BTD: variants seen among roughly 807,000 people sequenced by gnomAD.
BTD encodes the protein biotinidase.
Under a neutral mutation model 17.7 loss-of-function variants are expected in BTD, and 13 were observed. That is an observed-to-expected ratio of 0.74 (90% CI 0.48 to 1.17). BTD has a LOEUF of 1.17. Among genes scored for constraint, BTD ranks in the 50% most tolerant of loss-of-function variants. BTD has a pLI of 0.00. For synonymous variants in BTD, 240 were observed against 245.2 expected (o/e 0.98, Z 0.20); for missense variants, 674 against 650.4 (o/e 1.04, Z -0.39).
intron 1 of BTD, among the ~76,000 whole-genome samples, chr3:15,602,969 G>A (rs558132756): frequency 6.6e-6 from 1 of 152,284 alleles, no homozygotes; most frequent in East Asian, 1.9e-4. Context: ...GGTGAAGGAG[G>A]AGCAAAGGCA....
At chr3:15,632,676 C>G (rs1223251735) in intron 1 of BTD, 1 of 152,250 alleles carries the variant, frequency 6.6e-6, no homozygotes, top group Non-Finnish European at 1.5e-5. Flanking sequence ...AGGAAGGCCC[C>G]GCACCCCAGT....
At chr3:15,697,512 T>G (rs1048937174) in intron 3 of BTD, 2 of 150,794 alleles carry the variant, frequency 1.3e-5, no homozygotes, top group African/African-American at 4.9e-5. Context: ...ATGTGTTTGT[T>G]TTTTTTTTGC....
rs144924975 is a variant in BTD at position 15,638,310 on chromosome 3, C to T, written c.249+2622C>T. 3.1e-3 allele frequency among the ~76,000 whole-genome samples: 475 copies of T among 152,210 alleles called. 3 individuals carry two copies. Among genetic ancestry groups the T allele is most frequent in the African/African-American group, 9.8e-3 (406 of 41,520 alleles). On this transcript the variant is annotated intron_variant, in intron 2 of 3. Transcript: ENST00000643237. The stretch of plus-strand genomic sequence containing the variant: ...CTTGGACTTTCCAACCCTTACAGAC[C>T]GGCAGAACAGAAACAACTGGTTCAG...
chr3:15,717,806 A>C (rs1257442028), intron 4 of BTD, among the ~76,000 whole-genome samples: 4 of 152,208 alleles, frequency 2.6e-5, no homozygotes, highest in Non-Finnish European at 5.9e-5. Context: ...ACTGCTTTAT[A>C]AACCTGATTC....
chr3:15,721,990 C>T lies in BTD; in HGVS notation c.*141C>T, dbSNP rs146742297. Among the ~76,000 whole-genome samples, 858 of 152,284 alleles carry T rather than the reference C, an allele frequency of 5.6e-3. 6 individuals are homozygous for T. The highest frequency in any genetic ancestry group is 0.02 in the African/African-American group (817 of 41,578). On this transcript the variant is annotated 3_prime_UTR_variant, in exon 5 of 5. Coordinates refer to the BTD transcript ENST00000672427. ...GAACTCTTGACCTCAAATGATCCACCGGCCTCGGCCTCCCAAAGTGCTGCG... is the reference window on the plus strand; with the variant it reads ...GAACTCTTGACCTCAAATGATCCACTGGCCTCGGCCTCCCAAAGTGCTGCG...
chr3:15,720,968 C>T, intron 4 of BTD: 1 of 1,613,840 alleles, frequency 6.2e-7, no homozygotes, highest in East Asian at 2.2e-5. Flanking sequence ...CACAATGCTC[C>T]ATGTGTTGAT....
chr3:15,615,438 G>T (rs2064765165), intron 1 of BTD, among the ~76,000 whole-genome samples: 2 of 152,110 alleles, frequency 1.3e-5, no homozygotes. Context: ...AAGGTTCCTA[G>T]CTATATGCAC....
chr3:15,642,557 C>A (rs919098227), intron 3 of BTD, among the ~76,000 whole-genome samples: 1 of 151,254 alleles, frequency 6.6e-6, no homozygotes, highest in Non-Finnish European at 1.5e-5. Context: ...CGGGTTCATG[C>A]CATTCTCCTG....
chr3:15,691,702 G>A (rs908840947), intron 3 of BTD, among the ~76,000 whole-genome samples: 11 of 152,324 alleles, frequency 7.2e-5, no homozygotes, highest in African/African-American at 2.6e-4. Flanking sequence ...AGATTAAAGT[G>A]ACTGTAGGTC....
Position 15,645,250 on chromosome 3 carries a change from G to T in BTD, c.1334G>T (p.Gly445Val), listed in dbSNP as rs1223614917. ...GTGTGTGCCCTGGTCAGGTGTGGGG[G>T]TCTTGGCTTCGACACCTGTGGACAG... ...IQVCALVRCG[G>V]LGFDTCGQEI... The change falls in exon 4 of 4, where the codon GGT becomes GTT. Residue 445 changes from glycine (G) to valine (V), a missense_variant. By Grantham distance (109) the Gly-to-Val change is moderately radical. Transcript: ENST00000643237. 7.4e-6 allele frequency: 12 copies of T among 1,614,084 alleles called. No homozygotes were observed. Among genetic ancestry groups the T allele is most frequent in the Non-Finnish European group, 1.0e-5 (12 of 1,180,048 alleles).
intron 3 of BTD, among the ~76,000 whole-genome samples, chr3:15,699,499 A>G (rs1401990905): frequency 6.6e-6 from 1 of 152,228 alleles, no homozygotes; most frequent in Non-Finnish European, 1.5e-5. Flanking sequence ...CCCATCTGAC[A>G]AAGGGCTAAT....
intron 3 of BTD, chr3:15,696,389 C>T: frequency 1.9e-6 from 1 of 536,896 alleles, no homozygotes; most frequent in Non-Finnish European, 3.2e-6. Flanking sequence ...ATAAAAATGT[C>T]ATTTAAATGA....
downstream of BTD, among the ~76,000 whole-genome samples, chr3:15,717,475 C>A (rs2073204864): frequency 6.6e-6 from 1 of 151,648 alleles, no homozygotes; most frequent in Admixed American, 6.6e-5. Flanking sequence ...GTGGAGTTTT[C>A]TTTTTCTTAA....
In BTD at chr3:15,646,478, G is replaced by T. The variant is rs1221405975; in HGVS notation, c.*990G>T. 6.6e-6 allele frequency: 1 copy of T among 152,242 alleles called. No individual in the cohort carries two copies. Among genetic ancestry groups the T allele is most frequent in the African/African-American group, 2.4e-5 (1 of 41,462 alleles). The allele number at this position is 152,242 out of a possible 1,614,324, so 9.4% of individuals were successfully genotyped here. On this transcript the variant is annotated 3_prime_UTR_variant, in exon 4 of 4. Transcript: ENST00000643237. The stretch of plus-strand genomic sequence containing the variant: ...ATGAAGGGTGGCCCACTTTAGTCAT[G>T]CATTTATTCAATCACCCAACAGGCA...
Position 15,645,493 on chromosome 3 carries a change from AGT to A in BTD, c.*11_*12del. 1 of 1,603,542 alleles carries A rather than the reference AGT, an allele frequency of 6.2e-7. No homozygotes were observed. Among genetic ancestry groups the A allele is most frequent in the South Asian group, 1.1e-5 (1 of 91,062 alleles). On this transcript the variant is annotated 3_prime_UTR_variant, in exon 4 of 4. Coordinates refer to ENST00000643237, the MANE Select transcript of BTD (RefSeq NM_001370658.1). ...CGCTTGTATGAGAGGGACTAGGAAA[AGT>A]GTGTGGTCTGTGGGGCGGACTCTGG...
At chr3:15,685,777 C>G (rs2125765131) in intron 3 of BTD, among the ~76,000 whole-genome samples, 1 of 152,240 alleles carries the variant, frequency 6.6e-6, no homozygotes, top group Middle Eastern at 3.4e-3. Context: ...ATTAATTCTA[C>G]TAAAAGTTTT....
intron 3 of BTD, among the ~76,000 whole-genome samples, chr3:15,642,508 G>A (rs191262574): frequency 5.4e-5 from 8 of 147,744 alleles, no homozygotes; most frequent in African/African-American, 7.6e-5. Flanking sequence ...AGGCTGGAGC[G>A]CAGTGGCGCG....
chr3:15,633,556 G>A (rs911634653), intron 1 of BTD, among the ~76,000 whole-genome samples: 5 of 152,164 alleles, frequency 3.3e-5, no homozygotes, highest in African/African-American at 1.2e-4. Context: ...ATAAACAAAT[G>A]TTCTGTACCC....
chr3:15,604,178 C>T (rs561517780), intron 1 of BTD, among the ~76,000 whole-genome samples: 10 of 152,364 alleles, frequency 6.6e-5, no homozygotes, highest in African/African-American at 2.4e-4. Context: ...TATGAGGGCT[C>T]TACCCCTGCA....
Sources: gnomAD v4.1 joint callset for allele counts (sites outside exome capture counted in the v4.1 genomes callset) on GRCh38, gnomAD v4.1.1 for gene constraint, MANE v1.5 for transcripts, NCBI Gene and HGNC (gene_info 2026-07-23, HGNC 2026-07-21) for gene names.